Variants in ZPLD1 observed in about 807,000 individuals in gnomAD.
ZPLD1 encodes zona pellucida-like domain-containing protein 1.
A neutral mutation model predicts 47.2 loss-of-function variants in ZPLD1; 34 were observed. The observed-to-expected ratio is 0.72, with a 90% CI of 0.55 to 0.96. The LOEUF (loss-of-function observed/expected upper bound fraction) is 0.96, where lower values mean the gene tolerates loss of function less well. Among genes scored for constraint, ZPLD1 ranks in the 40% least tolerant of loss-of-function variants. ZPLD1 has a pLI of 0.00. For synonymous variants in ZPLD1, 176 were observed against 186.2 expected, an observed-to-expected ratio of 0.95 and a Z score of 0.45; for missense variants, 512 against 505.8, an observed-to-expected ratio of 1.01 and a Z score of -0.12.
intron 6 of ZPLD1, among the ~76,000 whole-genome samples, chr3:102,460,440 A>G (rs1045289196): frequency 3.9e-5 from 6 of 151,984 alleles, no homozygotes; most frequent in African/African-American, 1.4e-4. Context: ...GCAGATTACC[A>G]GTTGAACTGT....
In ZPLD1 at chr3:102,456,394, C is replaced by G; in HGVS notation, c.509+20C>G. ...TGCTTCGTAAGTTTGCATTTTATTC[C>G]TGCTTTCTCATATTGCATTTTTGCT... On this transcript the variant is annotated intron_variant, in intron 5 of 11. Coordinates refer to ENST00000466937, the MANE Select transcript of ZPLD1 (RefSeq NM_001329788.2). 1 of 1,603,210 alleles carries G rather than the reference C, an allele frequency of 6.2e-7. No individual in the cohort carries two copies. The highest frequency in any genetic ancestry group is 8.5e-7 in the Non-Finnish European group (1 of 1,174,364).
chr3:102,470,760 A>G (rs2107355776), intron 10 of ZPLD1, among the ~76,000 whole-genome samples: 1 of 151,768 alleles, frequency 6.6e-6, no homozygotes, highest in East Asian at 1.9e-4. Flanking sequence ...ACACACGAGT[A>G]GGCCATGCTG....
At chr3:102,438,389 A>T in intron 2 of ZPLD1, 91 bp from the exon 3 acceptor site, 1 of 843,872 alleles carries the variant, frequency 1.2e-6, no homozygotes, top group Non-Finnish European at 2.0e-6. Context: ...TGCTTATCCA[A>T]CAGTGAGCTG....
intron 7 of ZPLD1, among the ~76,000 whole-genome samples, chr3:102,415,439 T>C (rs1706794239): frequency 6.6e-6 from 1 of 151,832 alleles, no homozygotes; most frequent in African/African-American, 2.4e-5. Context: ...TGTATTTATG[T>C]TGCTGAGTTT....
chr3:102,461,426 G>C (rs569141835), intron 6 of ZPLD1, among the ~76,000 whole-genome samples: 2 of 151,980 alleles, frequency 1.3e-5, no homozygotes, highest in Non-Finnish European at 2.9e-5. Context: ...GTGGATTTGA[G>C]AATGATACAA....
intron 7 of ZPLD1, among the ~76,000 whole-genome samples, chr3:102,463,720 T>C (rs778133468): frequency 6.6e-6 from 1 of 152,002 alleles, no homozygotes. Flanking sequence ...AAATAACAAG[T>C]AATAAACAAT....
chr3:102,462,804 G>C (rs1332732346), intron 7 of ZPLD1, among the ~76,000 whole-genome samples: 1 of 152,000 alleles, frequency 6.6e-6, no homozygotes, highest in Non-Finnish European at 1.5e-5. Flanking sequence ...TACATAAAAT[G>C]ATCTCCAGAA....
intron 7 of ZPLD1, chr3:102,417,916 A>C (rs1706827925): frequency 6.6e-6 from 1 of 152,496 alleles, no homozygotes; most frequent in South Asian, 2.1e-4. Context: ...AAATGAAAAC[A>C]AAGAGAAATA....
intron 7 of ZPLD1, among the ~76,000 whole-genome samples, chr3:102,396,262 T>C (rs934516988): frequency 1.3e-5 from 2 of 152,170 alleles, no homozygotes; most frequent in African/African-American, 4.8e-5. Context: ...CTAATTGCAT[T>C]ACCTGTTTGT....
chr3:102,433,465 T>C (rs1474209228), upstream of ZPLD1, among the ~76,000 whole-genome samples: 1 of 152,224 alleles, frequency 6.6e-6, no homozygotes, highest in African/African-American at 2.4e-5. Flanking sequence ...AACACTCTGG[T>C]ACACAGTCAG....
intron 7 of ZPLD1, among the ~76,000 whole-genome samples, chr3:102,403,174 G>C (rs898244670): frequency 2.6e-5 from 4 of 151,808 alleles, no homozygotes; most frequent in African/African-American, 9.7e-5. Flanking sequence ...ATACCATAAT[G>C]TGCAATGGGA....
chr3:102,434,385 T>C (rs936098415), upstream of ZPLD1, among the ~76,000 whole-genome samples: 34 of 152,222 alleles, frequency 2.2e-4, no homozygotes, highest in African/African-American at 8.2e-4. Context: ...GAGATTTATA[T>C]GTTGGAAGAA....
intron 3 of ZPLD1, among the ~76,000 whole-genome samples, chr3:102,449,735 T>TA (rs751949314): frequency 2.6e-5 from 4 of 152,194 alleles, no homozygotes; most frequent in Non-Finnish European, 5.9e-5. Context: ...GTGCCTAATT[T>TA]AAAAAATCAA....
intron 8 of ZPLD1, among the ~76,000 whole-genome samples, chr3:102,424,431 C>T (rs1410403449): frequency 1.3e-5 from 2 of 152,146 alleles, no homozygotes; most frequent in Admixed American, 6.6e-5. Flanking sequence ...AAGACACACA[C>T]AAATGAAGAA....
intron 8 of ZPLD1, among the ~76,000 whole-genome samples, chr3:102,422,620 T>C (rs957062966): frequency 4.6e-5 from 7 of 152,046 alleles, no homozygotes; most frequent in Non-Finnish European, 7.4e-5. Context: ...GGAAGGTTTT[T>C]GAAAAGCTGA....
chr3:102,463,665 G>A (rs1357421639), intron 7 of ZPLD1, among the ~76,000 whole-genome samples: 1 of 152,128 alleles, frequency 6.6e-6, no homozygotes, highest in Non-Finnish European at 1.5e-5. Context: ...TGTGAAATAA[G>A]CAGGATGGAA....
intron 8 of ZPLD1, among the ~76,000 whole-genome samples, chr3:102,425,626 T>C (rs373677196): frequency 1.3e-5 from 2 of 152,178 alleles, no homozygotes; most frequent in East Asian, 3.9e-4. Flanking sequence ...AAAGAACATT[T>C]TGGTTATTGA....
chr3:102,389,769 G>T (rs1706474883), intron 6 of ZPLD1, among the ~76,000 whole-genome samples: 1 of 152,102 alleles, frequency 6.6e-6, no homozygotes, highest in Non-Finnish European at 1.5e-5. Flanking sequence ...CCGATGGATG[G>T]CATATTCTTA....
chr3:102,400,235 C>T (rs1029928807), intron 7 of ZPLD1, among the ~76,000 whole-genome samples: 1 of 152,088 alleles, frequency 6.6e-6, no homozygotes, highest in Non-Finnish European at 1.5e-5. Context: ...AAGCATAGAG[C>T]TTAGAAATCC....
Sources: allele counts gnomAD v4.1 joint callset (sites outside exome capture counted in the v4.1 genomes callset), GRCh38; gene constraint gnomAD v4.1.1; transcripts MANE v1.5; gene names NCBI Gene and HGNC (gene_info 2026-07-23, HGNC 2026-07-21).